GPR35: variants seen among roughly 807,000 people sequenced by gnomAD.
GPR35 encodes KYNA receptor.
For synonymous variants in GPR35, 207 were observed against 198.4 expected (o/e 1.04, Z -0.36); for missense variants, 372 against 422.5 (o/e 0.88, Z 1.05).
Position 240,616,455 on chromosome 2 carries a change from C to T in GPR35, c.-509C>T, listed in dbSNP as rs558551754. ...GTCCAGCCTGTATGGCTGGAGTTCC[C>T]ATGCCTGCCAATCTCCTGTCGACTG... is the stretch of plus-strand genomic sequence containing the variant. On this transcript the variant is annotated 5_prime_UTR_variant, in exon 3 of 6. Coordinates refer to the GPR35 transcript ENST00000319838. 3.8e-4 allele frequency: 294 copies of T among 780,822 alleles called. 8 individuals are homozygous for T. The highest frequency in any genetic ancestry group is 2.9e-3 in the South Asian group (214 of 74,604). 48.4% of individuals were successfully genotyped at this position (780,822 alleles called of 1,614,324 possible).
At position 240,630,186 on chromosome 2, in the gene GPR35, C is replaced by T. The variant is rs1485688048; in HGVS notation, c.234C>T (p.His78=). The part of the protein sequence containing the change: ...CLLCTLPFVL[H]SLRDTSDTPL... ...TGTGCACCTTGCCCTTCGTGCTGCA[C>T]TCCCTGCGAGACACCTCAGACACGC... The change falls in exon 2 of 2, where the codon CAC becomes CAT. Residue 78 remains histidine (H), a synonymous_variant. Coordinates refer to ENST00000407714, the MANE Select transcript of GPR35 (RefSeq NM_005301.5). 1.3e-6 allele frequency: 2 copies of T among 1,588,430 alleles called. No homozygotes were observed. The highest frequency in any genetic ancestry group is 1.1e-5 in the South Asian group (1 of 90,468).
chr2:240,616,578 A>G (rs151319115), intron 3 of GPR35: 9 of 740,950 alleles, frequency 1.2e-5, no homozygotes, highest in East Asian at 2.4e-5. Context: ...CAGGGGGCTC[A>G]TGATATCTGG....
At chr2:240,618,099 A>T (rs1434093692) in intron 4 of GPR35, among the ~76,000 whole-genome samples, 2 of 152,210 alleles carry the variant, frequency 1.3e-5, no homozygotes, top group African/African-American at 4.8e-5. Context: ...CATTATGAGT[A>T]CAAATGGATA....
exon 3 of GPR35, chr2:240,616,435 G>A (rs1189403732): frequency 3.8e-6 from 3 of 780,624 alleles, no homozygotes; most frequent in South Asian, 2.7e-5. Flanking sequence ...GCAAAGTCCA[G>A]CCTGTATGGC....
chr2:240,629,398 C>G (rs2043412861), intron 1 of GPR35: 1 of 153,758 alleles, frequency 6.5e-6, no homozygotes, highest in Admixed American at 6.4e-5. Flanking sequence ...TCCCAGCTGT[C>G]CTGGACTCTG....
chr2:240,624,437 G>A (rs992957697), upstream of GPR35, among the ~76,000 whole-genome samples: 2 of 152,194 alleles, frequency 1.3e-5, no homozygotes, highest in African/African-American at 4.8e-5. Context: ...TGACAGCAGA[G>A]AAGGACCAAT....
At chr2:240,610,151 G>C (rs1391389482) in intron 2 of GPR35, among the ~76,000 whole-genome samples, 1 of 151,928 alleles carries the variant, frequency 6.6e-6, no homozygotes, top group East Asian at 1.9e-4. Context: ...GTAGAGACGG[G>C]GTTTCACCAT....
At chr2:240,612,272 A>C (rs111558353) in intron 2 of GPR35, among the ~76,000 whole-genome samples, 1 of 151,666 alleles carries the variant, frequency 6.6e-6, no homozygotes, top group African/African-American at 2.4e-5. Context: ...CTACTAAAAA[A>C]AAAAATTAGC....
chr2:240,620,405 C>T (rs2043279867), intron 5 of GPR35, among the ~76,000 whole-genome samples: 1 of 152,150 alleles, frequency 6.6e-6, no homozygotes, highest in African/African-American at 2.4e-5. Flanking sequence ...GCCCAGGGGC[C>T]TCCTGCTGCA....
chr2:240,615,860 G>T (rs1159979565), intron 2 of GPR35, among the ~76,000 whole-genome samples: 3 of 152,242 alleles, frequency 2.0e-5, no homozygotes, highest in Non-Finnish European at 4.4e-5. Flanking sequence ...GAGTTTTGCA[G>T]CAGGGAAGGG....
At chr2:240,619,959 G>T (rs1253404508) in intron 5 of GPR35, among the ~76,000 whole-genome samples, 2 of 152,342 alleles carry the variant, frequency 1.3e-5, no homozygotes, top group Non-Finnish European at 2.9e-5. Flanking sequence ...GAGGGCCCTA[G>T]GGATGGGGAC....
At chr2:240,617,548 A>G (rs2043252111) in intron 4 of GPR35, 4 of 326,818 alleles carry the variant, frequency 1.2e-5, no homozygotes, top group Non-Finnish European at 2.3e-5. Flanking sequence ...AAATGTATCT[A>G]TAAAAAGAAG....
At chr2:240,614,486 G>C (rs1575461681) in intron 2 of GPR35, among the ~76,000 whole-genome samples, 1 of 152,206 alleles carries the variant, frequency 6.6e-6, no homozygotes, top group Non-Finnish European at 1.5e-5. Context: ...CCCAGGCCTT[G>C]GTTTCCCCAC....
At chr2:240,609,944 CT>C (rs1011129141) in intron 2 of GPR35, among the ~76,000 whole-genome samples, 12 of 150,860 alleles carry the variant, frequency 8.0e-5, no homozygotes, top group African/African-American at 2.4e-4. Context: ...TGAATTGACC[CT>C]TTTTTCATAT....
upstream of GPR35, among the ~76,000 whole-genome samples, chr2:240,623,036 C>T (rs1036131227): frequency 7.1e-6 from 1 of 139,946 alleles, no homozygotes; most frequent in Non-Finnish European, 1.5e-5. Flanking sequence ...GCCTGAGCAG[C>T]AGCAGAGGAC....
At chr2:240,616,227 G>A (rs183035809) in intron 2 of GPR35, among the ~76,000 whole-genome samples, 105 of 152,246 alleles carry the variant, frequency 6.9e-4, no homozygotes, top group African/African-American at 2.1e-3. Flanking sequence ...TATTGCAGTC[G>A]TGAATACAGG....
chr2:240,621,293 C>T (rs926569562), upstream of GPR35, among the ~76,000 whole-genome samples: 4 of 152,210 alleles, frequency 2.6e-5, no homozygotes, highest in East Asian at 1.9e-4. Flanking sequence ...CTCCCTCTAT[C>T]GCCCAGGCTG....
At chr2:240,613,845 C>T (rs776982760) in intron 2 of GPR35, among the ~76,000 whole-genome samples, 1 of 151,362 alleles carries the variant, frequency 6.6e-6, no homozygotes, top group African/African-American at 2.4e-5. Flanking sequence ...ACAACCATAA[C>T]CCTAACCAAA....
intron 5 of GPR35, among the ~76,000 whole-genome samples, chr2:240,619,487 G>A (rs2043270449): frequency 6.6e-6 from 1 of 152,180 alleles, no homozygotes; most frequent in Non-Finnish European, 1.5e-5. Context: ...TTCTTCTGGG[G>A]TTAAGGACCC....
Sources: gnomAD v4.1 joint callset for allele counts (sites outside exome capture counted in the v4.1 genomes callset) on GRCh38, gnomAD v4.1.1 for gene constraint, MANE v1.5 for transcripts, NCBI Gene and HGNC (gene_info 2026-07-23, HGNC 2026-07-21) for gene names.